The following FBN2 variants were observed in gnomAD, a reference collection of about 807,000 sequenced individuals.
FBN2 encodes the protein fibrillin-2.
A neutral mutation model predicts 355.6 loss-of-function variants in FBN2; 105 were observed. The ratio of observed to expected loss-of-function variants is 0.30; its 90% confidence interval spans 0.25 to 0.35. The LOEUF (loss-of-function observed/expected upper bound fraction) is 0.35, where lower values mean the gene tolerates loss of function less well. Ranked by LOEUF, FBN2 falls within the 10% of genes least tolerant of loss-of-function variation. FBN2 has a pLI of 1.00. For missense variants in FBN2, 3,280 were observed against 3,758.7 expected, an observed-to-expected ratio of 0.87 and a Z score of 3.33; for synonymous variants, 1,350 against 1,301.2, an observed-to-expected ratio of 1.04 and a Z score of -0.81.
chr5:128,377,947 A>G, intron 12 of FBN2, 70 bp from the exon 13 acceptor site: 1 of 1,437,466 alleles, frequency 7.0e-7, no homozygotes, highest in East Asian at 2.3e-5. Context: ...TAAGATAAGA[A>G]ATGGAATTTT....
At chr5:128,436,294 G>A (rs1848501) in intron 7 of FBN2, among the ~76,000 whole-genome samples, 16,590 of 152,122 alleles carry the variant, frequency 0.11, 1,066 homozygotes, top group African/African-American at 0.17. Context: ...TGGATGTGAC[G>A]TTTCCATTTA....
intron 5 of FBN2, among the ~76,000 whole-genome samples, chr5:128,502,624 C>T (rs1168917770): frequency 2.6e-5 from 4 of 152,110 alleles, no homozygotes; most frequent in African/African-American, 9.7e-5. Context: ...ATCATACTTA[C>T]TCCCCTTATG....
chr5:128,350,893 C>A lies in FBN2; in HGVS notation c.2787G>T (p.Gly929=). 3.7e-6 allele frequency: 6 copies of A among 1,614,126 alleles called. No homozygotes were observed. Among genetic ancestry groups the A allele is most frequent in the Non-Finnish European group, 4.2e-6 (5 of 1,180,014 alleles). ...CTAGTTCACACCGCTCACAGGGGCT[C>A]CCCCAGGCGGCTCCGAGGGTGGCAC... ...ECCATLGAAW[G]SPCERCELDT... Residue 929 remains glycine, a synonymous_variant, in exon 21 of 65, where the codon GGG becomes GGT. Coordinates refer to ENST00000262464, the MANE Select transcript of FBN2 (RefSeq NM_001999.4).
At chr5:128,299,115 G>T (rs530703684) in intron 48 of FBN2, among the ~76,000 whole-genome samples, 233 of 152,188 alleles carry the variant, frequency 1.5e-3, no homozygotes, top group Admixed American at 3.3e-3. Flanking sequence ...GTCTGCCCCT[G>T]CTGGGGGGTG....
intron 5 of FBN2, among the ~76,000 whole-genome samples, chr5:128,495,575 TA>T (rs1172568774): frequency 6.6e-6 from 1 of 152,004 alleles, no homozygotes; most frequent in Non-Finnish European, 1.5e-5. Flanking sequence ...CAATTAAGGA[TA>T]AAAAGCCTTA....
chr5:128,444,136 G>A (rs529641286), intron 7 of FBN2, among the ~76,000 whole-genome samples: 93 of 140,572 alleles, frequency 6.6e-4, no homozygotes, highest in Non-Finnish European at 1.1e-3. Flanking sequence ...GCAGTGGCGC[G>A]ATCTCGGCTC....
rs114821306 is a variant in FBN2 at position 128,302,854 on chromosome 5, T to C, written c.5917+119A>G. The C allele has an allele frequency of 2.2e-3, 1,617 of 733,538 alleles. 23 individuals carry two copies. The African/African-American group carries it at 0.024, about 11-fold the overall frequency. The allele number at this position is 733,538 out of a possible 1,614,324, so 45.4% of individuals were successfully genotyped here. A position where few individuals can be genotyped will look rare whatever the true frequency, so the allele number is the denominator to read the frequency against. On this transcript the variant is annotated intron_variant, in intron 46 of 64. Coordinates refer to ENST00000262464, the MANE Select transcript of FBN2 (RefSeq NM_001999.4). ...CCAGTCAATGAAATTATATATCTTTTGGCACATATTTGCAATTTTAGTAAT... is the reference window on the plus strand; with the variant it reads ...CCAGTCAATGAAATTATATATCTTTCGGCACATATTTGCAATTTTAGTAAT...
At chr5:128,402,499 TATC>T (rs1444509932) in intron 8 of FBN2, among the ~76,000 whole-genome samples, 1 of 152,170 alleles carries the variant, frequency 6.6e-6, no homozygotes, top group Non-Finnish European at 1.5e-5. Flanking sequence ...AAGGTACACT[TATC>T]AGAGTTTGTT....
At chr5:128,485,087 G>A (rs1178476944) in intron 5 of FBN2, among the ~76,000 whole-genome samples, 2 of 151,580 alleles carry the variant, frequency 1.3e-5, no homozygotes, top group African/African-American at 4.9e-5. Flanking sequence ...GCAATGCAAC[G>A]AACAGGGATC....
At chr5:128,383,561 T>A (rs2126966060) in intron 11 of FBN2, among the ~76,000 whole-genome samples, 1 of 152,150 alleles carries the variant, frequency 6.6e-6, no homozygotes, top group South Asian at 2.1e-4. Context: ...CATGTGTAAA[T>A]CATATATTTG....
chr5:128,384,529 T>C (rs968531379), intron 11 of FBN2, among the ~76,000 whole-genome samples: 3 of 152,122 alleles, frequency 2.0e-5, no homozygotes, highest in Admixed American at 6.6e-5. Flanking sequence ...GAAAAAGATA[T>C]GGTCTTGTCT....
At chr5:128,287,736 C>T (rs1245816243) in intron 53 of FBN2, among the ~76,000 whole-genome samples, 1 of 152,100 alleles carries the variant, frequency 6.6e-6, no homozygotes, top group African/African-American at 2.4e-5. Flanking sequence ...TCCAGATGAC[C>T]ATGGCCTGGC....
At chr5:128,447,619 G>A (rs769788556) in intron 6 of FBN2, among the ~76,000 whole-genome samples, 19 of 152,116 alleles carry the variant, frequency 1.2e-4, no homozygotes, top group South Asian at 4.1e-4. Context: ...CCGGTCCTGC[G>A]ATCTTGCCCT....
chr5:128,335,935 TC>T, intron 28 of FBN2, 52 bp downstream of exon 28: 1 of 1,603,498 alleles, frequency 6.2e-7, no homozygotes, highest in Middle Eastern at 1.7e-4. Context: ...CCAAAAGTTT[TC>T]CTAGGCTGAT....
At chr5:128,274,449 A>C in intron 60 of FBN2, 118 bp downstream of exon 60, 1 of 721,908 alleles carries the variant, frequency 1.4e-6, no homozygotes, top group East Asian at 2.7e-5. Context: ...ACCACAAATT[A>C]TGGGGTATTG....
chr5:128,342,909 G>T (rs1751065853), intron 25 of FBN2, among the ~76,000 whole-genome samples: 1 of 151,934 alleles, frequency 6.6e-6, no homozygotes, highest in Admixed American at 6.6e-5. Flanking sequence ...TGTATTCTTA[G>T]TAGAGACGGG....
intron 25 of FBN2, 75 bp downstream of exon 25, chr5:128,344,310 T>A: frequency 6.8e-7 from 1 of 1,473,464 alleles, no homozygotes; most frequent in Non-Finnish European, 9.5e-7. Flanking sequence ...GATTAGCTTT[T>A]TAGGGCAGTC....
intron 3 of FBN2, 63 bp from the exon 4 acceptor site, chr5:128,528,030 A>G: frequency 9.3e-7 from 1 of 1,074,064 alleles, no homozygotes; most frequent in African/African-American, 1.5e-5. Flanking sequence ...TATATGTGAG[A>G]GGTTATAAAA....
chr5:128,336,855 G>T (rs1750855855), intron 27 of FBN2, among the ~76,000 whole-genome samples: 1 of 152,120 alleles, frequency 6.6e-6, no homozygotes, highest in African/African-American at 2.4e-5. Context: ...ATAAGGTAAG[G>T]TAAAAAACAG....
Sources: allele counts gnomAD v4.1 joint callset (sites outside exome capture counted in the v4.1 genomes callset), GRCh38; gene constraint gnomAD v4.1.1; transcripts MANE v1.5; gene names NCBI Gene and HGNC (gene_info 2026-07-23, HGNC 2026-07-21).